The following DGKB variants were observed in gnomAD, a reference collection of about 807,000 sequenced individuals.
The protein encoded by DGKB is 90 kDa diacylglycerol kinase.
Under a neutral mutation model 114.3 loss-of-function variants are expected in DGKB, and 67 were observed. That is an observed-to-expected ratio of 0.59 (90% CI 0.48 to 0.72). DGKB has a LOEUF of 0.72. Among genes scored for constraint, DGKB ranks in the 30% least tolerant of loss-of-function variants. DGKB has a pLI of 0.00. For missense variants in DGKB, 907 were observed against 975.2 expected (o/e 0.93, Z 0.93); for synonymous variants, 398 against 323.1 (o/e 1.23, Z -2.49).
chr7:14,338,476 T>C lies in DGKB; in HGVS notation c.2122+39A>G, dbSNP rs373418253. 4.4e-6 allele frequency: 6 copies of C among 1,363,134 alleles called. No homozygotes were observed. The African/African-American group carries it at 7.3e-5, about 17-fold the overall frequency. The allele number at this position is 1,363,134 out of a possible 1,614,324, so 84.4% of individuals were successfully genotyped here. A position where few individuals can be genotyped will look rare whatever the true frequency, so the allele number is the denominator to read the frequency against. ...TTTTAAAGAAGCCTTTGAAAACAGG[T>C]TAACAAGCAATTTAACAACTAATTG... On this transcript the variant is annotated intron_variant, in intron 23 of 25. Coordinates refer to ENST00000402815, the MANE Select transcript of DGKB (RefSeq NM_001350709.2).
At chr7:14,360,778 T>C (rs1468253212) in intron 21 of DGKB, among the ~76,000 whole-genome samples, 1 of 151,994 alleles carries the variant, frequency 6.6e-6, no homozygotes, top group African/African-American at 2.4e-5. Flanking sequence ...AAATGCAACA[T>C]AGGGAGTTCA....
intron 2 of DGKB, among the ~76,000 whole-genome samples, chr7:14,825,901 GA>G (rs1216597782): frequency 6.6e-6 from 1 of 152,184 alleles, no homozygotes; most frequent in African/African-American, 2.4e-5. Flanking sequence ...GAGGAGGATT[GA>G]AGGAACACAA....
At chr7:14,471,034 T>A (rs1371338369) in intron 21 of DGKB, among the ~76,000 whole-genome samples, 2 of 151,150 alleles carry the variant, frequency 1.3e-5, no homozygotes, top group African/African-American at 4.8e-5. Flanking sequence ...GGAATTTTTA[T>A]CTCTAGATAA....
chr7:14,463,405 T>C (rs766976326), intron 21 of DGKB, among the ~76,000 whole-genome samples: 10 of 152,112 alleles, frequency 6.6e-5, no homozygotes, highest in Non-Finnish European at 1.2e-4. Flanking sequence ...TTGTAAAACT[T>C]CTCTTTATCT....
At chr7:14,819,341 C>T (rs1026962862) in intron 2 of DGKB, among the ~76,000 whole-genome samples, 5 of 152,070 alleles carry the variant, frequency 3.3e-5, no homozygotes, top group Non-Finnish European at 7.4e-5. Context: ...AATCCCAGCA[C>T]TTTGGGAGGC....
intron 21 of DGKB, among the ~76,000 whole-genome samples, chr7:14,461,276 C>T (rs1287391721): frequency 6.7e-6 from 1 of 149,560 alleles, no homozygotes; most frequent in Non-Finnish European, 1.5e-5. Flanking sequence ...GAGATAGAGA[C>T]ACACATACAC....
At chr7:14,887,848 G>C (rs1406126285) in intron 1 of DGKB, among the ~76,000 whole-genome samples, 3 of 151,660 alleles carry the variant, frequency 2.0e-5, no homozygotes, top group African/African-American at 7.3e-5. Flanking sequence ...GTCTAGAACA[G>C]CACCTGGCAT....
intron 20 of DGKB, among the ~76,000 whole-genome samples, chr7:14,572,438 C>A (rs775321373): frequency 2.0e-5 from 3 of 147,634 alleles, no homozygotes; most frequent in African/African-American, 5.0e-5. Context: ...GGTGACAGAG[C>A]GAGACACCAT....
intron 2 of DGKB, among the ~76,000 whole-genome samples, chr7:14,836,207 G>T (rs1847135792): frequency 6.6e-6 from 1 of 152,120 alleles, no homozygotes; most frequent in Admixed American, 6.6e-5. Context: ...TCACTGCAAT[G>T]GAAGAAACTG....
At chr7:14,840,436 C>T (rs1041095161) in intron 2 of DGKB, among the ~76,000 whole-genome samples, 6 of 152,072 alleles carry the variant, frequency 3.9e-5, no homozygotes, top group Non-Finnish European at 2.9e-5. Context: ...TTGAAAGTCA[C>T]TTTATGAAAT....
intron 21 of DGKB, among the ~76,000 whole-genome samples, chr7:14,351,202 A>G (rs1428515928): frequency 2.0e-5 from 3 of 152,214 alleles, no homozygotes; most frequent in Non-Finnish European, 4.4e-5. Context: ...TTTCATTGCC[A>G]AGAAACATTA....
At chr7:14,245,174 A>T (rs1280284165) in intron 23 of DGKB, among the ~76,000 whole-genome samples, 1 of 151,950 alleles carries the variant, frequency 6.6e-6, no homozygotes, top group Admixed American at 6.5e-5. Context: ...ACATACACAC[A>T]CACACACACA....
intron 12 of DGKB, among the ~76,000 whole-genome samples, chr7:14,673,626 A>G (rs1478619482): frequency 6.6e-6 from 1 of 152,108 alleles, no homozygotes; most frequent in Non-Finnish European, 1.5e-5. Flanking sequence ...TTAAGTTAGT[A>G]TATAATCATA....
chr7:14,265,065 T>C (rs968021448), intron 23 of DGKB, among the ~76,000 whole-genome samples: 2 of 152,042 alleles, frequency 1.3e-5, no homozygotes, highest in African/African-American at 2.4e-5. Flanking sequence ...GGACTTCTTT[T>C]TTCAGGTTTC....
At chr7:14,459,974 C>A (rs1447124895) in intron 21 of DGKB, among the ~76,000 whole-genome samples, 1 of 152,098 alleles carries the variant, frequency 6.6e-6, no homozygotes, top group African/African-American at 2.4e-5. Flanking sequence ...ATTTTCAACC[C>A]AGAATTCCAT....
intron 20 of DGKB, among the ~76,000 whole-genome samples, chr7:14,569,225 G>A (rs1404856732): frequency 6.6e-6 from 1 of 152,092 alleles, no homozygotes; most frequent in Non-Finnish European, 1.5e-5. Flanking sequence ...TTTCAGGGAG[G>A]AATGCCTCCT....
chr7:14,836,377 A>C (rs1003799752), intron 2 of DGKB, among the ~76,000 whole-genome samples: 1 of 152,188 alleles, frequency 6.6e-6, no homozygotes, highest in African/African-American at 2.4e-5. Context: ...TTCGAAAATA[A>C]TTTGCATGCT....
intron 1 of DGKB, among the ~76,000 whole-genome samples, chr7:14,938,849 T>A (rs368589958): frequency 2.0e-5 from 3 of 152,286 alleles, no homozygotes; most frequent in Admixed American, 6.5e-5. Context: ...ATTAAAAGCA[T>A]AGGTGTCAGC....
intron 23 of DGKB, among the ~76,000 whole-genome samples, chr7:14,336,573 T>C (rs1323062481): frequency 6.6e-6 from 1 of 152,176 alleles, no homozygotes; most frequent in Non-Finnish European, 1.5e-5. Context: ...CCAGAATTTA[T>C]GGGAAATTGG....
Sources: gnomAD v4.1 joint callset for allele counts (sites outside exome capture counted in the v4.1 genomes callset) on GRCh38, gnomAD v4.1.1 for gene constraint, MANE v1.5 for transcripts, NCBI Gene and HGNC (gene_info 2026-07-23, HGNC 2026-07-21) for gene names.